Variants in VPS13B observed in about 807,000 individuals in gnomAD.
VPS13B encodes intermembrane lipid transfer protein VPS13B.
A neutral mutation model predicts 426.4 loss-of-function variants in VPS13B; 285 were observed. The ratio of observed to expected loss-of-function variants is 0.67; its 90% CI spans 0.61 to 0.74. VPS13B has a LOEUF of 0.74. Ranked by LOEUF, VPS13B falls within the 30% of genes least tolerant of loss-of-function variation. The pLI is 0.00. For synonymous variants in VPS13B, 1,676 were observed against 1,676.4 expected (o/e 1.00, Z 0.01); for missense variants, 4,537 against 4,782.6 (o/e 0.95, Z 1.51).
chr8:99,289,960 A>C (rs1156444289), intron 19 of VPS13B, among the ~76,000 whole-genome samples: 2 of 152,124 alleles, frequency 1.3e-5, no homozygotes, highest in African/African-American at 4.8e-5. Flanking sequence ...AAGTGTCATT[A>C]GAGTTAAGCA....
chr8:99,485,865 C>A (rs1057393644), intron 25 of VPS13B, among the ~76,000 whole-genome samples: 1 of 152,086 alleles, frequency 6.6e-6, no homozygotes, highest in Non-Finnish European at 1.5e-5. Flanking sequence ...ATTGTTCATT[C>A]TTTTATTTCT....
intron 17 of VPS13B, among the ~76,000 whole-genome samples, chr8:99,244,714 A>G (rs1444999239): frequency 6.6e-6 from 1 of 151,830 alleles, no homozygotes; most frequent in African/African-American, 2.4e-5. Context: ...CATTTTGTCC[A>G]TAAATCTCAA....
chr8:99,665,510 G>T, intron 35 of VPS13B, among the ~76,000 whole-genome samples: 1 of 152,170 alleles, frequency 6.6e-6, no homozygotes. Context: ...GTGTAAGGAA[G>T]GGATTGAGTT....
chr8:99,100,826 A>G (rs1380404987), intron 4 of VPS13B, among the ~76,000 whole-genome samples: 2 of 152,056 alleles, frequency 1.3e-5, no homozygotes, highest in East Asian at 3.9e-4. Flanking sequence ...GCGGATCACG[A>G]GGTCAGGAGT....
chr8:99,528,411 A>G (rs1361682197), intron 30 of VPS13B, among the ~76,000 whole-genome samples: 2 of 152,102 alleles, frequency 1.3e-5, no homozygotes, highest in African/African-American at 4.8e-5. Flanking sequence ...TATGATGACT[A>G]GACACCAATA....
At chr8:99,349,975 A>T (rs1811788074) in intron 19 of VPS13B, among the ~76,000 whole-genome samples, 1 of 152,204 alleles carries the variant, frequency 6.6e-6, no homozygotes, top group Non-Finnish European at 1.5e-5. Context: ...CACACATATA[A>T]AATTGCGATT....
intron 34 of VPS13B, among the ~76,000 whole-genome samples, chr8:99,646,703 T>C (rs1030990836): frequency 4.6e-5 from 7 of 152,168 alleles, no homozygotes; most frequent in Non-Finnish European, 1.0e-4. Context: ...GTTTAGATTA[T>C]AGGGGCAGAT....
chr8:99,177,774 A>G (rs923984030), intron 16 of VPS13B, among the ~76,000 whole-genome samples: 1 of 152,132 alleles, frequency 6.6e-6, no homozygotes, highest in Non-Finnish European at 1.5e-5. Flanking sequence ...TTCTTAGCTT[A>G]TTGCCTTTAA....
At position 99,233,540 on chromosome 8, in the gene VPS13B, G is replaced by A. The variant is rs960199298; in HGVS notation, c.2515+40483G>A. 7 of 1,128,434 alleles carry A rather than the reference G, an allele frequency of 6.2e-6. No homozygotes were observed. The African/African-American group carries it at 1.1e-4, about 17-fold the overall frequency. The allele number at this position is 1,128,434 out of a possible 1,614,324, so 69.9% of individuals were successfully genotyped here. On this transcript the variant is annotated intron_variant, in intron 17 of 61. Coordinates refer to ENST00000357162, the MANE Select transcript of VPS13B (RefSeq NM_152564.5). ...TGCGGGAACGGGCCAAACTGGTGAT[G>A]GGGGTACAGGCTGGAGAAAGTATCT... is the stretch of plus-strand genomic sequence containing the variant.
chr8:99,416,426 T>C (rs1329316412), intron 21 of VPS13B, among the ~76,000 whole-genome samples: 1 of 151,918 alleles, frequency 6.6e-6, no homozygotes, highest in Non-Finnish European at 1.5e-5. Context: ...GGGGAGCAAA[T>C]GGTCTGTCTC....
intron 30 of VPS13B, among the ~76,000 whole-genome samples, chr8:99,529,699 T>G (rs1822829670): frequency 6.6e-6 from 1 of 152,232 alleles, no homozygotes; most frequent in Admixed American, 6.5e-5. Context: ...ACTATTTGAA[T>G]TACAAGGGCA....
intron 39 of VPS13B, among the ~76,000 whole-genome samples, chr8:99,749,549 A>C (rs979646172): frequency 6.6e-6 from 1 of 151,886 alleles, no homozygotes. Flanking sequence ...GGTTCCATCT[A>C]TGTTGTGGTA....
At chr8:99,276,564 A>G (rs1001849437) in intron 19 of VPS13B, among the ~76,000 whole-genome samples, 9 of 152,178 alleles carry the variant, frequency 5.9e-5, no homozygotes, top group Admixed American at 2.0e-4. Context: ...AAAAATAGCT[A>G]CAGACAAAAC....
intron 3 of VPS13B, among the ~76,000 whole-genome samples, chr8:99,040,324 G>A (rs1379025494): frequency 3.9e-5 from 6 of 152,128 alleles, no homozygotes; most frequent in Non-Finnish European, 8.8e-5. Flanking sequence ...CATGGTATTT[G>A]GGACTTGAAT....
chr8:99,561,739 T>C (rs1349532443), intron 31 of VPS13B, among the ~76,000 whole-genome samples: 1 of 152,238 alleles, frequency 6.6e-6, no homozygotes, highest in Non-Finnish European at 1.5e-5. Context: ...TTATGATGCA[T>C]TCAACTTACA....
At position 99,052,759 on chromosome 8, in the gene VPS13B, G is replaced by T. The variant is rs1358181303; in HGVS notation, c.291+14193G>T. Among the ~76,000 whole-genome samples, 4 of 152,256 alleles carry T rather than the reference G, an allele frequency of 2.6e-5. No individual in the cohort carries two copies. The East Asian group carries it at 5.8e-4, about 22-fold the overall frequency. On this transcript the variant is annotated intron_variant, in intron 3 of 61. Coordinates refer to ENST00000357162, the MANE Select transcript of VPS13B (RefSeq NM_152564.5). ...TCAACTTCTTCCTGGATTAGTCTTG[G>T]GAGGGTGTATGTGTCGAAGAATTTA...
intron 20 of VPS13B, among the ~76,000 whole-genome samples, chr8:99,390,198 A>C (rs950503450): frequency 9.9e-5 from 15 of 151,768 alleles, no homozygotes; most frequent in Non-Finnish European, 1.6e-4. Context: ...CCTGGGTTCA[A>C]GCCATTCTCC....
chr8:99,752,637 G>A (rs1029209951), intron 39 of VPS13B, among the ~76,000 whole-genome samples: 1 of 152,108 alleles, frequency 6.6e-6, no homozygotes, highest in African/African-American at 2.4e-5. Context: ...ATGCTAAGTT[G>A]ACTTTTTTCT....
At position 99,853,935 on chromosome 8, in the gene VPS13B, A is replaced by C; in HGVS notation, c.10546A>C (p.Ile3516Leu). ...CGTGGAAGACACATTTGTATACTAC[A>C]TCAAGACTTTGTTTGACACCTACCT... ...LYVEDTFVYY[I>L]KTLFDTYLPN... is the part of the protein sequence containing the mutation. Residue 3516 changes from isoleucine (I) to leucine (L), a missense_variant, in exon 56 of 62, where the codon ATC becomes CTC. Around this residue, in one of 2 missense-constraint regions of VPS13B, gnomAD observed 4,311 missense variants for 4,474.3 expected, o/e 0.96. Transcript: ENST00000357162. 6.2e-7 allele frequency: 1 copy of C among 1,614,254 alleles called. No individual in the cohort carries two copies. The highest frequency in any genetic ancestry group is 8.5e-7 in the Non-Finnish European group (1 of 1,180,050).
Sources: gnomAD v4.1 joint callset for allele counts (sites outside exome capture counted in the v4.1 genomes callset) on GRCh38, gnomAD v4.1.1 for gene constraint, gnomAD v4.1.1 regional missense constraint, MANE v1.5 for transcripts, NCBI Gene and HGNC (gene_info 2026-07-23, HGNC 2026-07-21) for gene names.